ADAM12: variants seen among roughly 807,000 people sequenced by gnomAD.
The protein encoded by ADAM12 is ADAM metallopeptidase domain 12, also known as disintegrin and metalloproteinase domain-containing protein 12.
A neutral mutation model predicts 106.4 loss-of-function variants in ADAM12; 70 were observed. The observed-to-expected ratio is 0.66, with a 90% CI of 0.54 to 0.80. The LOEUF (loss-of-function observed/expected upper bound fraction) is 0.80, where lower values mean the gene tolerates loss of function less well. Among genes scored for constraint, ADAM12 ranks in the 30% least tolerant of loss-of-function variants. The pLI is 0.00. For missense variants in ADAM12, 1,010 were observed against 1,171.9 expected (o/e 0.86, Z 2.02); for synonymous variants, 420 against 433.5 (o/e 0.97, Z 0.39).
chr10:126,080,989 C>T (rs988408362), intron 11 of ADAM12, among the ~76,000 whole-genome samples: 31 of 152,100 alleles, frequency 2.0e-4, no homozygotes, highest in African/African-American at 7.0e-4. Context: ...CAGTAGAAGT[C>T]GGGAGTTATC....
chr10:126,189,732 A>C (rs1590590461), intron 3 of ADAM12, among the ~76,000 whole-genome samples: 2 of 151,996 alleles, frequency 1.3e-5, no homozygotes, highest in African/African-American at 4.8e-5. Context: ...CTTGCTGTGG[A>C]GCCCATGCTT....
intron 2 of ADAM12, among the ~76,000 whole-genome samples, chr10:126,299,024 G>A (rs1445332614): frequency 2.0e-5 from 3 of 152,182 alleles, no homozygotes; most frequent in Non-Finnish European, 4.4e-5. Flanking sequence ...TTCTTCAGGA[G>A]AGAGGAATAT....
At chr10:126,252,595 G>A (rs370930752) in intron 3 of ADAM12, among the ~76,000 whole-genome samples, 2 of 152,138 alleles carry the variant, frequency 1.3e-5, no homozygotes, top group East Asian at 3.9e-4. Context: ...GAGAAAGTGG[G>A]CAAATTCACT....
In ADAM12 at chr10:126,310,457, G is replaced by C. The variant is rs139660097; in HGVS notation, c.186+19955C>G. Among the ~76,000 whole-genome samples, 4 of 152,242 alleles carry C rather than the reference G, an allele frequency of 2.6e-5. No homozygotes were observed. The East Asian group carries it at 5.8e-4, about 22-fold the overall frequency. On this transcript the variant is annotated intron_variant, in intron 2 of 22. Coordinates refer to ENST00000448723, the MANE Select transcript of ADAM12 (RefSeq NM_001288973.2). ...CCCCAGAGAATGTAAGAGAAGCAAG[G>C]TATTTACCAAGGCATTATTGACCTT...
chr10:126,196,017 G>A (rs1360095626), intron 3 of ADAM12, among the ~76,000 whole-genome samples: 1 of 152,164 alleles, frequency 6.6e-6, no homozygotes, highest in East Asian at 1.9e-4. Flanking sequence ...AGTTTTATAG[G>A]AATGCAGCTA....
chr10:126,242,552 C>T (rs1308577074), intron 3 of ADAM12, among the ~76,000 whole-genome samples: 1 of 152,204 alleles, frequency 6.6e-6, no homozygotes, highest in Non-Finnish European at 1.5e-5. Flanking sequence ...TGTGCGAAGG[C>T]AGCACTTCAC....
At chr10:126,057,221 C>T (rs1242092912) in intron 14 of ADAM12, among the ~76,000 whole-genome samples, 2 of 44,642 alleles carry the variant, frequency 4.5e-5, no homozygotes, top group Non-Finnish European at 8.8e-5. Context: ...AGCCCGGGGT[C>T]GGGGGAGGGG....
intron 3 of ADAM12, among the ~76,000 whole-genome samples, chr10:126,277,897 T>C (rs1302994720): frequency 1.3e-5 from 2 of 152,224 alleles, no homozygotes; most frequent in Admixed American, 1.3e-4. Context: ...GGGCTGGCTG[T>C]TGATTGACTG....
chr10:126,370,749 G>A (rs1040043573), intron 1 of ADAM12, among the ~76,000 whole-genome samples: 4 of 152,162 alleles, frequency 2.6e-5, no homozygotes, highest in African/African-American at 9.7e-5. Context: ...GACATCATAG[G>A]TCCTCCCTTG....
chr10:126,038,319 G>A lies in ADAM12; in HGVS notation c.2271C>T (p.Gly757=), dbSNP rs1465723010. Reference sequence around the variant, plus strand: ...CGAGGTGAGCCTGACAGGGTTGGAAGCCACGGGGTGGCCGGGAAGGGCGCA... The same window carrying A: ...CGAGGTGAGCCTGACAGGGTTGGAAACCACGGGGTGGCCGGGAAGGGCGCA... ...RCVRPSRPPR[G]FQPCQAHLGH... The change falls in exon 20 of 23, where the codon GGC becomes GGT. Residue 757 remains glycine (G), a synonymous_variant. Transcript: ENST00000448723. The A allele has an allele frequency of 6.2e-7, 1 of 1,607,290 alleles. No individual in the cohort carries two copies. The highest frequency in any genetic ancestry group is 8.5e-7 in the Non-Finnish European group (1 of 1,175,986).
At chr10:126,284,063 T>C (rs1301891662) in intron 2 of ADAM12, among the ~76,000 whole-genome samples, 2 of 152,132 alleles carry the variant, frequency 1.3e-5, no homozygotes, top group Non-Finnish European at 2.9e-5. Flanking sequence ...CTGGGCACAG[T>C]GTCTCATTCC....
intron 4 of ADAM12, among the ~76,000 whole-genome samples, chr10:126,141,310 C>T (rs950978552): frequency 1.3e-5 from 2 of 152,182 alleles, no homozygotes; most frequent in Admixed American, 6.5e-5. Context: ...TTTTCCTCAC[C>T]CTTATGTCTC....
chr10:126,343,895 G>A (rs775319453), intron 1 of ADAM12, among the ~76,000 whole-genome samples: 5 of 151,840 alleles, frequency 3.3e-5, no homozygotes, highest in Non-Finnish European at 5.9e-5. Context: ...TTGTAAATTT[G>A]AATTCTTTGT....
At chr10:126,095,241 G>C (rs181675152) in intron 10 of ADAM12, among the ~76,000 whole-genome samples, 1 of 152,100 alleles carries the variant, frequency 6.6e-6, no homozygotes, top group Non-Finnish European at 1.5e-5. Context: ...CCTTTAAGAA[G>C]TGATTGGGTC....
intron 3 of ADAM12, among the ~76,000 whole-genome samples, chr10:126,221,121 C>T (rs1958083211): frequency 6.6e-6 from 1 of 152,184 alleles, no homozygotes. Context: ...CGGTGGCTCA[C>T]ACTTGTAATC....
chr10:126,309,671 T>G (rs771574366), intron 2 of ADAM12, among the ~76,000 whole-genome samples: 1 of 152,150 alleles, frequency 6.6e-6, no homozygotes, highest in Non-Finnish European at 1.5e-5. Context: ...TCTGTCACAA[T>G]GCAAATATGG....
chr10:126,374,919 C>A (rs778815001), intron 1 of ADAM12, among the ~76,000 whole-genome samples: 22 of 151,994 alleles, frequency 1.4e-4, no homozygotes, highest in Non-Finnish European at 2.6e-4. Context: ...CATACACAAA[C>A]ACACACACTC....
intron 3 of ADAM12, among the ~76,000 whole-genome samples, chr10:126,230,821 T>C (rs1242519892): frequency 1.3e-5 from 2 of 152,244 alleles, no homozygotes; most frequent in Non-Finnish European, 2.9e-5. Flanking sequence ...TTGTCCTTGA[T>C]TTGGATATTT....
At position 126,380,571 on chromosome 10, in the gene ADAM12, G is replaced by A. The variant is rs757755068; in HGVS notation, c.88+7487C>T. 1.4e-4 allele frequency among the ~76,000 whole-genome samples: 21 copies of A among 152,262 alleles called. 1 individual carries two copies. The highest frequency in any genetic ancestry group is 2.6e-4 in the African/African-American group (11 of 41,564). ...GGAGATAGTGCACGCAAAGACCTGC[G>A]CACCGCTCCTGGCACTGACGCACTC... On this transcript the variant is annotated intron_variant, in intron 1 of 22. Transcript: ENST00000448723.
Sources: gnomAD v4.1 joint callset for allele counts (sites outside exome capture counted in the v4.1 genomes callset) on GRCh38, gnomAD v4.1.1 for gene constraint, MANE v1.5 for transcripts, NCBI Gene and HGNC (gene_info 2026-07-23, HGNC 2026-07-21) for gene names.